CAMKK2: variants seen among roughly 807,000 people sequenced by gnomAD.
CAMKK2 encodes the protein calcium/calmodulin-dependent protein kinase kinase 2.
In CAMKK2, 30 loss-of-function variants were observed where a neutral mutation model predicts 67.2. The ratio of observed to expected loss-of-function variants is 0.45; its 90% CI spans 0.33 to 0.61. CAMKK2 has a LOEUF of 0.61. Ranked by LOEUF, CAMKK2 falls within the 20% of genes least tolerant of loss-of-function variation. CAMKK2 has a pLI of 0.02. For synonymous variants in CAMKK2, 322 were observed against 326.2 expected, an observed-to-expected ratio of 0.99 and a Z score of 0.14; for missense variants, 643 against 802.0, an observed-to-expected ratio of 0.80 and a Z score of 2.39.
At chr12:121,247,559 C>T (rs760519642) in intron 14 of CAMKK2, among the ~76,000 whole-genome samples, 1 of 152,192 alleles carries the variant, frequency 6.6e-6, no homozygotes, top group Non-Finnish European at 1.5e-5. Flanking sequence ...TCCTCGTCTA[C>T]AGGCACAAGG....
At chr12:121,273,496 AATGC>A (rs1896163337) in intron 2 of CAMKK2, among the ~76,000 whole-genome samples, 3 of 152,020 alleles carry the variant, frequency 2.0e-5, no homozygotes, top group South Asian at 2.1e-4. Context: ...TCCTGTGAGA[AATGC>A]ACAGCAAGTG....
intron 5 of CAMKK2, among the ~76,000 whole-genome samples, chr12:121,265,150 T>C (rs1468127054): frequency 2.0e-5 from 3 of 151,894 alleles, no homozygotes; most frequent in African/African-American, 4.8e-5. Flanking sequence ...AGACCCACAG[T>C]GAAAACCCTC....
chr12:121,244,231 G>A, intron 16 of CAMKK2: 1 of 1,304,670 alleles, frequency 7.7e-7, no homozygotes, highest in Non-Finnish European at 1.1e-6. Flanking sequence ...CGGACTCGGG[G>A]GGGCACCCAT....
Position 121,274,454 on chromosome 12 carries a change from T to C in CAMKK2, c.73A>G (p.Ser25Gly), listed in dbSNP as rs776642531. 1 of 1,613,004 alleles carries C rather than the reference T, an allele frequency of 6.2e-7. No individual in the cohort carries two copies. The highest frequency in any genetic ancestry group is 8.5e-7 in the Non-Finnish European group (1 of 1,179,936). ...APQDELGGRGSSSSESQKPCE... is the reference protein window; with the variant it reads ...APQDELGGRGGSSSESQKPCE... ...GGCTTCTGGCTTTCGCTGCTGCTGCTGCCCCTGCCCCCCAGCTCATCCTGG... is the reference window on the plus strand; with the variant it reads ...GGCTTCTGGCTTTCGCTGCTGCTGCCGCCCCTGCCCCCCAGCTCATCCTGG... Residue 25 changes from serine (S) to glycine (G), a missense_variant, in exon 2 of 17, where the codon AGC (serine) becomes GGC (glycine). Transcript: ENST00000404169.
chr12:121,284,845 T>G (rs961874035), intron 1 of CAMKK2, among the ~76,000 whole-genome samples: 2 of 152,178 alleles, frequency 1.3e-5, no homozygotes, highest in South Asian at 4.1e-4. Flanking sequence ...GCACAGGATT[T>G]GGGCACAGGG....
Position 121,274,167 on chromosome 12 carries a change from G to A in CAMKK2, c.360C>T (p.Arg120=). 1 of 1,597,756 alleles carries A rather than the reference G, an allele frequency of 6.3e-7. No homozygotes were observed. The highest frequency in any genetic ancestry group is 8.5e-7 in the Non-Finnish European group (1 of 1,170,432). Residue 120 remains arginine (R), a synonymous_variant, in exon 2 of 17, where the codon CGC becomes CGT. Transcript: ENST00000404169. Reference sequence around the variant, plus strand: ...AGTAGGGCAGGGACGGGCAGATGCAGCGTCCGTTCATGTCCAGGCTGCCAC... The same window carrying A: ...AGTAGGGCAGGGACGGGCAGATGCAACGTCCGTTCATGTCCAGGCTGCCAC... ...AAGGSLDMNG[R]CICPSLPYSP...
At chr12:121,251,362 A>C (rs562450792) in intron 11 of CAMKK2, among the ~76,000 whole-genome samples, 23 of 152,360 alleles carry the variant, frequency 1.5e-4, no homozygotes, top group Middle Eastern at 3.4e-3. Context: ...CAGCTTTGCT[A>C]CATGATTGAA....
At chr12:121,250,241 T>C (rs528122900) in intron 11 of CAMKK2, among the ~76,000 whole-genome samples, 1 of 152,216 alleles carries the variant, frequency 6.6e-6, no homozygotes, top group South Asian at 2.1e-4. Flanking sequence ...GAGCCAGGAA[T>C]GGCCCTCTCG....
chr12:121,255,843 C>A, intron 7 of CAMKK2, 39 bp from the exon 8 acceptor site: 1 of 1,605,996 alleles, frequency 6.2e-7, no homozygotes, highest in Non-Finnish European at 8.5e-7. Flanking sequence ...ACATGGGAAA[C>A]TGAACATCCA....
chr12:121,289,346 T>TCCCCAAC (rs1899493596), intron 1 of CAMKK2, among the ~76,000 whole-genome samples: 1 of 152,000 alleles, frequency 6.6e-6, no homozygotes, highest in Non-Finnish European at 1.5e-5. Flanking sequence ...ATCACTAACG[T>TCCCCAAC]CCCCAACGGG....
chr12:121,260,311 T>G lies in CAMKK2; in HGVS notation c.796+8A>C. The G allele has an allele frequency of 6.2e-7, 1 of 1,603,606 alleles. No homozygotes were observed. Among genetic ancestry groups the G allele is most frequent in the African/African-American group, 1.3e-5 (1 of 74,610 alleles). On this transcript the variant is annotated splice_region_variant and intron_variant, in intron 7 of 16. Coordinates refer to ENST00000404169, the MANE Select transcript of CAMKK2 (RefSeq NM_001270485.2). Reference sequence around the variant, plus strand: ...GGTGAGGGTGGCAGAAGAAAAGGGCTTCCTTACCCATGTACAGATGGTCCT... The same window carrying G: ...GGTGAGGGTGGCAGAAGAAAAGGGCGTCCTTACCCATGTACAGATGGTCCT...
intron 3 of CAMKK2, 134 bp from the exon 4 acceptor site, chr12:121,269,715 G>C: frequency 4.3e-6 from 3 of 698,824 alleles, no homozygotes; most frequent in Non-Finnish European, 4.9e-6. Flanking sequence ...TTGGAGCCCA[G>C]GTTTTTACAA....
chr12:121,252,328 G>A (rs556834794), intron 11 of CAMKK2, among the ~76,000 whole-genome samples: 1 of 152,208 alleles, frequency 6.6e-6, no homozygotes, highest in Non-Finnish European at 1.5e-5. Context: ...GAATACAATG[G>A]TGCAATCTCA....
intron 14 of CAMKK2, among the ~76,000 whole-genome samples, chr12:121,246,110 T>G (rs529753953): frequency 6.6e-6 from 1 of 152,154 alleles, no homozygotes; most frequent in South Asian, 2.1e-4. Flanking sequence ...GAGTCATTGC[T>G]GATGGGCGGG....
In CAMKK2 at chr12:121,294,152, C is replaced by T. The variant is rs1164786988; in HGVS notation, c.-60+2486G>A. 5.3e-5 allele frequency among the ~76,000 whole-genome samples: 8 copies of T among 151,990 alleles called. No individual in the cohort carries two copies. In the South Asian group the frequency reaches 8.3e-4, roughly 16 times the overall value. The stretch of plus-strand genomic sequence containing the variant: ...TTCACCATGTTGGCCAGGCTGGTCT[C>T]GAACTCCTGACCTCAGGTGATCCTC... On this transcript the variant is annotated intron_variant, in intron 1 of 16. Coordinates refer to ENST00000404169, the MANE Select transcript of CAMKK2 (RefSeq NM_001270485.2).
At chr12:121,262,130 C>T (rs1893574127) in intron 6 of CAMKK2, among the ~76,000 whole-genome samples, 1 of 152,144 alleles carries the variant, frequency 6.6e-6, no homozygotes, top group South Asian at 2.1e-4. Context: ...AGATGAGAAT[C>T]CAAATGTCTC....
chr12:121,273,966 G>T (rs1232538043), intron 2 of CAMKK2, 90 bp downstream of exon 2: 2 of 1,055,404 alleles, frequency 1.9e-6, no homozygotes, highest in African/African-American at 1.6e-5. Flanking sequence ...AGATCCTTCT[G>T]GGGGAGCCCA....
intron 2 of CAMKK2, among the ~76,000 whole-genome samples, chr12:121,273,399 G>T (rs908540409): frequency 6.6e-6 from 1 of 152,066 alleles, no homozygotes; most frequent in African/African-American, 2.4e-5. Context: ...TGGCAGGAGG[G>T]ATGGGAAAGG....
Position 121,243,939 on chromosome 12 carries a change from AGGG to A in CAMKK2, c.1596+631_1596+633del, listed in dbSNP as rs1888882521. 3.5e-6 allele frequency: 5 copies of A among 1,440,036 alleles called. No homozygotes were observed. The Admixed American group carries it at 1.3e-4, about 38-fold the overall frequency. The allele number at this position is 1,440,036 out of a possible 1,614,324, so 89.2% of individuals were successfully genotyped here. On this transcript the variant is annotated intron_variant, in intron 16 of 16. Transcript: ENST00000404169. ...CCCCACCCACCACAGCACCTGCAGC[AGGG>A]GTGCCCAGCAGGTTCTCCCAGTCTC...
Sources: gnomAD v4.1 joint callset for allele counts (sites outside exome capture counted in the v4.1 genomes callset) on GRCh38, gnomAD v4.1.1 for gene constraint, MANE v1.5 for transcripts, NCBI Gene and HGNC (gene_info 2026-07-23, HGNC 2026-07-21) for gene names.